Variants in ABHD18 observed in about 807,000 individuals in gnomAD.
ABHD18 encodes abhydrolase domain containing 18, also known as cardiolipin-specific deacylase, mitochondrial.
Under a neutral mutation model 65.9 loss-of-function variants are expected in ABHD18, and 55 were observed. The observed-to-expected ratio is 0.84, with a 90% CI of 0.67 to 1.05. ABHD18 has a LOEUF of 1.05. ABHD18 is among the 50% of genes least tolerant of loss of function. ABHD18 has a pLI of 0.00. For synonymous variants in ABHD18, 181 were observed against 180.2 expected, an observed-to-expected ratio of 1.00 and a Z score of -0.04; for missense variants, 533 against 558.5, an observed-to-expected ratio of 0.95 and a Z score of 0.46.
At chr4:128,020,224 T>C (rs1305175684) in intron 9 of ABHD18, 55 bp downstream of exon 9, 1 of 1,438,864 alleles carries the variant, frequency 6.9e-7, no homozygotes, top group Admixed American at 1.9e-5. Context: ...GGTAATTGTT[T>C]TGGGGGGGTC....
chr4:128,011,636 AT>A, intron 6 of ABHD18, 36 bp from the exon 7 acceptor site: 6 of 1,508,206 alleles, frequency 4.0e-6, no homozygotes, highest in Non-Finnish European at 5.4e-6. Flanking sequence ...AAATTATTTA[AT>A]TATTTTAAAA....
Position 128,017,387 on chromosome 4 carries a change from C to A in ABHD18, c.495C>A (p.Ser165=). The A allele has an allele frequency of 1.2e-6, 2 of 1,613,572 alleles. No homozygotes were observed. Among genetic ancestry groups the A allele is most frequent in the Non-Finnish European group, 1.7e-6 (2 of 1,179,760 alleles). ...GAAGGTCCAGCTTAAAAAATGTGTCCGACCTTTTTGTGATGGGAGGAGCTC... is the reference window on the plus strand; with the variant it reads ...GAAGGTCCAGCTTAAAAAATGTGTCAGACCTTTTTGTGATGGGAGGAGCTC... ...DQVRSSLKNV[S]DLFVMGGALV... The change falls in exon 8 of 13, where the codon TCC becomes TCA. Residue 165 remains serine, a synonymous_variant. Coordinates refer to ENST00000645843, the MANE Select transcript of ABHD18 (RefSeq NM_001358451.3).
chr4:127,967,734 T>C (rs888850515), intron 1 of ABHD18, among the ~76,000 whole-genome samples: 2 of 151,844 alleles, frequency 1.3e-5, no homozygotes, highest in African/African-American at 4.8e-5. Flanking sequence ...AAATGTCTCT[T>C]AGGAACACAC....
At position 128,024,371 on chromosome 4, in the gene ABHD18, A is replaced by G. The variant is rs1278153421; in HGVS notation, c.801+3133A>G. Among the ~76,000 whole-genome samples the G allele has an allele frequency of 3.3e-5, 5 of 152,146 alleles. No individual in the cohort carries two copies. In the East Asian group the frequency reaches 7.7e-4, roughly 23 times the overall value. ...ATTAAAGGTCCCACCTTTCAACACT[A>G]TTACATTGGGGATTAAGTTTCCAAC... On this transcript the variant is annotated intron_variant, in intron 10 of 12. Transcript: ENST00000645843.
intron 4 of ABHD18, among the ~76,000 whole-genome samples, chr4:128,006,434 G>C (rs1333250022): frequency 1.3e-5 from 2 of 152,198 alleles, no homozygotes; most frequent in African/African-American, 4.8e-5. Flanking sequence ...TGAAAATTAA[G>C]AGTTCCCATG....
intron 12 of ABHD18, among the ~76,000 whole-genome samples, chr4:128,034,094 G>A (rs889456712): frequency 1.3e-5 from 2 of 151,292 alleles, no homozygotes; most frequent in Admixed American, 1.3e-4. Flanking sequence ...GAGTAGCTGG[G>A]ATTACAGGCA....
At chr4:128,008,475 A>T (rs191431636) in intron 4 of ABHD18, among the ~76,000 whole-genome samples, 2 of 151,628 alleles carry the variant, frequency 1.3e-5, no homozygotes, top group Non-Finnish European at 2.9e-5. Flanking sequence ...GGGTTTCTCC[A>T]TGTTGATTAG....
intron 1 of ABHD18, among the ~76,000 whole-genome samples, chr4:127,971,105 G>A (rs1050768591): frequency 2.7e-5 from 4 of 150,898 alleles, no homozygotes; most frequent in Admixed American, 6.6e-5. Context: ...GAAATTAGCC[G>A]GGCAAGGAAG....
chr4:127,974,962 C>G (rs532908384), intron 1 of ABHD18, among the ~76,000 whole-genome samples: 1 of 141,274 alleles, frequency 7.1e-6, no homozygotes, highest in Non-Finnish European at 1.5e-5. Flanking sequence ...CGCCATTGCA[C>G]TCCAGCCTAG....
At chr4:127,995,400 G>A (rs1368421835) in intron 4 of ABHD18, among the ~76,000 whole-genome samples, 1 of 152,122 alleles carries the variant, frequency 6.6e-6, no homozygotes, top group Non-Finnish European at 1.5e-5. Flanking sequence ...ATAACAAAAT[G>A]TAGATAATTC....
chr4:128,031,956 C>CT (rs759864200), intron 12 of ABHD18, among the ~76,000 whole-genome samples: 11 of 152,264 alleles, frequency 7.2e-5, no homozygotes, highest in Non-Finnish European at 1.2e-4. Context: ...GCTAGGATTG[C>CT]TTAAGAAGAG....
In ABHD18 at chr4:128,035,109, ATAAT is replaced by A. The variant is rs140486604; in HGVS notation, c.1344-647_1344-644del. ...AGAATCTTACATTCTGAAAAGTTAC[ATAAT>A]TAATTTTCAACGAAGCGATAAGACA... On this transcript the variant is annotated intron_variant, in intron 12 of 12. Transcript: ENST00000645843. 5.2e-3 allele frequency among the ~76,000 whole-genome samples: 786 copies of A among 152,334 alleles called. 8 individuals carry two copies. Among genetic ancestry groups the A allele is most frequent in the African/African-American group, 0.018 (758 of 41,574 alleles).
chr4:128,024,299 C>T (rs1465104573), intron 10 of ABHD18, among the ~76,000 whole-genome samples: 1 of 152,192 alleles, frequency 6.6e-6, no homozygotes, highest in African/African-American at 2.4e-5. Flanking sequence ...CCCACTCCCA[C>T]AGTAAGGGCA....
intron 11 of ABHD18, among the ~76,000 whole-genome samples, chr4:128,029,467 G>A (rs1757896906): frequency 6.6e-6 from 1 of 152,168 alleles, no homozygotes; most frequent in South Asian, 2.1e-4. Flanking sequence ...GACCGCTTGA[G>A]CCCAGGAGTT....
intron 1 of ABHD18, among the ~76,000 whole-genome samples, chr4:127,979,382 C>T (rs1197961606): frequency 2.6e-5 from 4 of 152,036 alleles, no homozygotes; most frequent in South Asian, 4.1e-4. Context: ...GGTGAAACCC[C>T]GTCTCTACTA....
rs769706656 is a variant in ABHD18 at position 128,030,692 on chromosome 4, C to T, written c.1343+20C>T. On this transcript the variant is annotated intron_variant, in intron 12 of 12. Coordinates refer to ENST00000645843, the MANE Select transcript of ABHD18 (RefSeq NM_001358451.3). ...CTTCAGGTAAGACGGCTGGTCTAAACATGTATTCGTTCATTTGTTGTTTGT... is the reference window on the plus strand; with the variant it reads ...CTTCAGGTAAGACGGCTGGTCTAAATATGTATTCGTTCATTTGTTGTTTGT... The T allele has an allele frequency of 6.5e-7, 1 of 1,544,862 alleles. No individual in the cohort carries two copies. The highest frequency in any genetic ancestry group is 2.5e-5 in the East Asian group (1 of 40,382).
intron 1 of ABHD18, among the ~76,000 whole-genome samples, chr4:127,977,878 T>C (rs11942726): frequency 2.0e-5 from 3 of 151,998 alleles, no homozygotes; most frequent in African/African-American, 7.3e-5. Context: ...GTAGCAGAAT[T>C]TGTGTAGTAA....
chr4:127,968,797 A>G (rs1746177711), intron 1 of ABHD18, among the ~76,000 whole-genome samples: 1 of 152,140 alleles, frequency 6.6e-6, no homozygotes, highest in African/African-American at 2.4e-5. Flanking sequence ...GGGGACTTTT[A>G]AGTATCTGGC....
chr4:128,003,427 T>C (rs1003828064), intron 4 of ABHD18, among the ~76,000 whole-genome samples: 2 of 150,852 alleles, frequency 1.3e-5, no homozygotes, highest in African/African-American at 4.9e-5. Context: ...ATACATATTG[T>C]AAACCATAGA....
Sources: gnomAD v4.1 joint callset for allele counts (sites outside exome capture counted in the v4.1 genomes callset) on GRCh38, gnomAD v4.1.1 for gene constraint, MANE v1.5 for transcripts, NCBI Gene and HGNC (gene_info 2026-07-23, HGNC 2026-07-21) for gene names.